Variants in KRT26 observed in about 807,000 individuals in gnomAD.
KRT26 encodes the protein keratin 26, also known as keratin, type I cytoskeletal 26.
In KRT26, 45 loss-of-function variants were observed where a neutral mutation model predicts 46.1. The observed-to-expected ratio is 0.98, with a 90% confidence interval of 0.77 to 1.25. The LOEUF (loss-of-function observed/expected upper bound fraction) is 1.25, where lower values mean the gene tolerates loss of function less well. Ranked by LOEUF, KRT26 falls within the 50% of genes most tolerant of loss-of-function variation. KRT26 has a pLI of 0.00. For synonymous variants in KRT26, 191 were observed against 209.9 expected, an observed-to-expected ratio of 0.91 and a Z score of 0.78; for missense variants, 582 against 560.1, an observed-to-expected ratio of 1.04 and a Z score of -0.39.
At chr17:40,768,943 C>A in exon 6 of KRT26, 1 of 1,605,034 alleles carries the variant, frequency 6.2e-7, no homozygotes. Context: ...ATTTTTACAT[C>A]AAGAAGCTGT....
intron 6 of KRT26, among the ~76,000 whole-genome samples, chr17:40,768,206 C>T (rs2038186492): frequency 6.6e-6 from 1 of 152,182 alleles, no homozygotes; most frequent in Non-Finnish European, 1.5e-5. Flanking sequence ...CACTATGCGG[C>T]CATGGGCAAG....
exon 4 of KRT26, chr17:40,770,044 C>G: frequency 6.2e-7 from 1 of 1,614,180 alleles, no homozygotes; most frequent in Non-Finnish European, 8.5e-7. Context: ...TTCAACAGGA[C>G]AGTTAGGTCC....
At chr17:40,770,309 T>G in exon 3 of KRT26, 1 of 1,614,110 alleles carries the variant, frequency 6.2e-7, no homozygotes. Context: ...TCACACTGTA[T>G]CTCCAGGTCG....
At chr17:40,766,659 T>C in exon 8 of KRT26, 2 of 1,609,578 alleles carry the variant, frequency 1.2e-6, no homozygotes, top group East Asian at 2.2e-5. Context: ...TAGTTTCTTC[T>C]GTTGAGTCTA....
In KRT26 at chr17:40,771,116, C is replaced by A. The variant is rs775654469; in HGVS notation, c.524+38G>T. 4.1e-6 allele frequency: 5 copies of A among 1,230,768 alleles called. No homozygotes were observed. The East Asian group carries it at 7.7e-5, about 19-fold the overall frequency. The allele number at this position is 1,230,768 out of a possible 1,614,324, so 76.2% of individuals were successfully genotyped here. A position where few individuals can be genotyped will look rare whatever the true frequency, so the allele number is the denominator to read the frequency against. ...CCTTAATCCAATTGTAATATTTTAACTTTTATTAATATAATTAATCAGTTT... is the reference window on the plus strand; with the variant it reads ...CCTTAATCCAATTGTAATATTTTAAATTTTATTAATATAATTAATCAGTTT... On this transcript the variant is annotated intron_variant, in intron 2 of 7. Transcript: ENST00000335552.
rs368879549 is a variant in KRT26, at chr17:40,770,094, C to T, written c.710G>A (p.Gly237Glu). Residue 237 changes from glycine (G) to glutamate (E), a missense_variant, in exon 4 of 8, where the codon GGG (glycine) becomes GAG (glutamate). By Grantham distance (98) the Gly-to-Glu change is moderately conservative. Coordinates refer to ENST00000335552, the Ensembl canonical transcript of KRT26. ...ATTCATCTCCACGTTCACGTTCCCC[C>T]CAGCTGTATATTGCAAGACTTCCAT... is the stretch of plus-strand genomic sequence containing the variant. 3 of 1,614,192 alleles carry T rather than the reference C, an allele frequency of 1.9e-6. No homozygotes were observed. In the South Asian group the frequency reaches 3.3e-5, roughly 18 times the overall value.
intron 2 of KRT26, among the ~76,000 whole-genome samples, chr17:40,770,719 C>G (rs1047393901): frequency 6.6e-6 from 1 of 152,240 alleles, no homozygotes; most frequent in Admixed American, 6.5e-5. Context: ...CAGTCTCACT[C>G]TGTCACCCAG....
chr17:40,768,970 G>A lies in KRT26; in HGVS notation c.1096C>T (p.Gln366Ter), dbSNP rs1356447913. 5.0e-6 allele frequency: 8 copies of A among 1,612,046 alleles called. No homozygotes were observed. Among genetic ancestry groups the A allele is most frequent in the Non-Finnish European group, 6.8e-6 (8 of 1,179,314 alleles). ...AGAAGCTGTTCATACTCCAGCTTCT[G>A]GCCTTCTGTTTCTGTTCGAATCTGT... is the stretch of plus-strand genomic sequence containing the variant. The change falls in exon 6 of 8, where the codon CAG (glutamine) becomes TAG (stop). Residue 366 changes from glutamine (Q) to a stop codon, truncating the protein, a stop_gained. Coordinates refer to ENST00000335552, the Ensembl canonical transcript of KRT26. LOFTEE classifies it high-confidence loss of function.
chr17:40,770,729 G>A (rs1269906250), intron 2 of KRT26, among the ~76,000 whole-genome samples: 1 of 152,206 alleles, frequency 6.6e-6, no homozygotes, highest in East Asian at 1.9e-4. Flanking sequence ...CTGTCACCCA[G>A]ACTGAAGTGC....
Position 40,769,749 on chromosome 17 carries a change from C to T in KRT26, c.969+5G>A, listed in dbSNP as rs373955259. 2.7e-5 allele frequency: 44 copies of T among 1,614,002 alleles called. No homozygotes were observed. The highest frequency in any genetic ancestry group is 2.5e-4 in the East Asian group (11 of 44,896). The stretch of plus-strand genomic sequence containing the variant: ...ATATTCAATTCAATGGCGATTCCTA[C>T]GTACCACAGCCATGAGGGACTGAAG... On this transcript the variant is annotated splice_donor_5th_base_variant and intron_variant, in intron 5 of 7. Transcript: ENST00000335552.
chr17:40,768,504 C>G (rs1275376803), intron 6 of KRT26, among the ~76,000 whole-genome samples: 3 of 152,138 alleles, frequency 2.0e-5, no homozygotes, highest in Non-Finnish European at 2.9e-5. Flanking sequence ...CATTGCTCAT[C>G]TTTAATACAA....
rs543415853 is a variant in KRT26, at chr17:40,766,478, C to CTCTT, written c.*33_*36dup. The CTCTT allele has an allele frequency of 7.3e-5, 104 of 1,424,372 alleles. 1 individual carries two copies. The highest frequency in any genetic ancestry group is 8.2e-5 in the Non-Finnish European group (86 of 1,052,026). 88.2% of individuals were successfully genotyped at this position (1,424,372 alleles called of 1,614,324 possible). On this transcript the variant is annotated 3_prime_UTR_variant, in exon 8 of 8. Coordinates refer to ENST00000335552, the Ensembl canonical transcript of KRT26. ...TTTCTTTCTTTCTTTCTCTCTCTCT[C>CTCTT]TCTTTCTTTCTTTCTTTCCAAATAA...
chr17:40,772,048 G>T, exon 1 of KRT26: 1 of 1,614,062 alleles, frequency 6.2e-7, no homozygotes, highest in Non-Finnish European at 8.5e-7. Flanking sequence ...TTCCTCCACC[G>T]GACAGCCTAC....
chr17:40,769,952 T>C lies in KRT26; in HGVS notation c.843+9A>G, dbSNP rs757562523. The C allele has an allele frequency of 3.4e-5, 55 of 1,614,078 alleles. No homozygotes were observed. Among genetic ancestry groups the C allele is most frequent in the Non-Finnish European group, 4.5e-5 (53 of 1,180,040 alleles). Reference sequence around the variant, plus strand: ...TGAGCAAGCCCTTTGTAATTTGCCATAGACCTACCCTCTCGTTGAACCAGG... The same window carrying C: ...TGAGCAAGCCCTTTGTAATTTGCCACAGACCTACCCTCTCGTTGAACCAGG... On this transcript the variant is annotated intron_variant, in intron 4 of 7. Transcript: ENST00000335552.
At chr17:40,769,059 C>G in exon 6 of KRT26, 1 of 1,613,958 alleles carries the variant, frequency 6.2e-7, no homozygotes, top group Admixed American at 1.7e-5. Context: ...GCAGTAATTT[C>G]CTTCAGTCTC....
chr17:40,769,962 C>G (rs202201634), exon 4 of KRT26: 101 of 1,614,044 alleles, frequency 6.3e-5, no homozygotes, highest in Non-Finnish European at 8.2e-5. Context: ...TAGACCTACC[C>G]TCTCGTTGAA....
chr17:40,771,810 G>A (rs774146427), exon 1 of KRT26: 3 of 1,614,184 alleles, frequency 1.9e-6, no homozygotes, highest in East Asian at 4.5e-5. Flanking sequence ...TCTAGAGCAT[G>A]CACATGGTCC....
chr17:40,771,854 A>G (rs2038224311), exon 1 of KRT26: 4 of 1,614,046 alleles, frequency 2.5e-6, no homozygotes, highest in Non-Finnish European at 3.4e-6. Context: ...GAGATTCTGC[A>G]TGGTCACCTT....
chr17:40,769,128 G>C (rs1555545087), intron 5 of KRT26, 32 bp from the exon 6 acceptor site: 4 of 1,390,460 alleles, frequency 2.9e-6, no homozygotes, highest in Middle Eastern at 1.8e-4. Flanking sequence ...GCTTGAATGT[G>C]TAAAAGAGAA....
Sources: allele counts gnomAD v4.1 joint callset (sites outside exome capture counted in the v4.1 genomes callset), GRCh38; gene constraint gnomAD v4.1.1; transcripts MANE v1.5; gene names NCBI Gene and HGNC (gene_info 2026-07-23, HGNC 2026-07-21).